Variants in STX6 observed in about 807,000 individuals in gnomAD.
STX6 encodes syntaxin-6.
A neutral mutation model predicts 38.0 loss-of-function variants in STX6; 23 were observed. That is an observed-to-expected ratio of 0.60 (90% confidence interval 0.43 to 0.86). STX6 has a LOEUF of 0.86. STX6 is among the 40% of genes least tolerant of loss of function. The probability of loss-of-function intolerance (pLI) is 0.00; values close to 1 mark genes in which losing one functional copy is unlikely to be tolerated. For missense variants in STX6, 274 were observed against 312.9 expected (o/e 0.88, Z 0.94); for synonymous variants, 123 against 107.5 (o/e 1.14, Z -0.89).
intron 1 of STX6, among the ~76,000 whole-genome samples, chr1:181,011,720 C>T (rs1656406055): frequency 6.6e-6 from 1 of 152,176 alleles, no homozygotes; most frequent in Admixed American, 6.5e-5. Flanking sequence ...CTTGATTTCA[C>T]ATTTCTTTCT....
chr1:181,006,450 A>AT (rs1656226593), intron 1 of STX6, among the ~76,000 whole-genome samples: 1 of 150,608 alleles, frequency 6.6e-6, no homozygotes, highest in South Asian at 2.1e-4. Flanking sequence ...TAGTCACAAG[A>AT]TTTTAAGAAC....
At chr1:180,994,830 G>A (rs1655856028) in intron 3 of STX6, among the ~76,000 whole-genome samples, 1 of 151,994 alleles carries the variant, frequency 6.6e-6, no homozygotes, top group African/African-American at 2.4e-5. Context: ...TAATTCAAAT[G>A]TTTGCAGCAT....
rs145882958 is a variant in STX6 at position 181,010,883 on chromosome 1, G to A, written c.36-5420C>T. 4.6e-5 allele frequency among the ~76,000 whole-genome samples: 7 copies of A among 152,264 alleles called. No homozygotes were observed. The East Asian group carries it at 1.4e-3, about 29-fold the overall frequency. ...CTTGGGGATCCCTTGTGATTTACAG[G>A]CCATGCTTTCAGAACTACAATGTCT... On this transcript the variant is annotated intron_variant, in intron 1 of 7. Transcript: ENST00000258301.
intron 3 of STX6, among the ~76,000 whole-genome samples, chr1:180,995,605 C>T (rs2102313670): frequency 6.6e-6 from 1 of 152,326 alleles, no homozygotes; most frequent in South Asian, 2.1e-4. Flanking sequence ...CCTATAGTCC[C>T]AGCACTTTGG....
At chr1:181,021,268 A>G (rs1357684593) in intron 1 of STX6, among the ~76,000 whole-genome samples, 1 of 152,166 alleles carries the variant, frequency 6.6e-6, no homozygotes, top group Non-Finnish European at 1.5e-5. Context: ...AAAAACATCT[A>G]TTTTAAAAAT....
chr1:181,022,018 C>T (rs1656742189), intron 1 of STX6, among the ~76,000 whole-genome samples: 1 of 152,116 alleles, frequency 6.6e-6, no homozygotes, highest in South Asian at 2.1e-4. Context: ...GACTGCTTTC[C>T]TCTCCTCACA....
At chr1:181,008,724 ATTGTTTTTT>A (rs1021697100) in intron 1 of STX6, among the ~76,000 whole-genome samples, 8 of 53,204 alleles carry the variant, frequency 1.5e-4, no homozygotes, top group African/African-American at 6.5e-4. Context: ...GCTTTCCAAA[ATTGTTTTTT>A]TTTTTTTTTT....
chr1:180,989,853 ACAAT>A lies in STX6; in HGVS notation c.489+127_489+130del. 3.6e-6 allele frequency: 4 copies of A among 1,110,142 alleles called. No homozygotes were observed. The South Asian group carries it at 4.6e-5, about 13-fold the overall frequency. The allele number at this position is 1,110,142 out of a possible 1,614,324, so 68.8% of individuals were successfully genotyped here. ...CCCTTTACATATGCAATTATTAAACACAATCAACACAGGACAAGCTCTGGCTTAC... is the reference window on the plus strand; with the variant it reads ...CCCTTTACATATGCAATTATTAAACACAACACAGGACAAGCTCTGGCTTAC... On this transcript the variant is annotated intron_variant, in intron 5 of 7. Transcript: ENST00000258301.
At chr1:180,978,320 A>G (rs1655309515) in intron 7 of STX6, among the ~76,000 whole-genome samples, 1 of 152,218 alleles carries the variant, frequency 6.6e-6, no homozygotes, top group African/African-American at 2.4e-5. Flanking sequence ...CATACAGAGA[A>G]TCACAGCTTA....
intron 4 of STX6, among the ~76,000 whole-genome samples, chr1:180,992,290 A>C (rs1457291718): frequency 6.6e-6 from 1 of 152,244 alleles, no homozygotes; most frequent in Non-Finnish European, 1.5e-5. Flanking sequence ...ATGGAATGCA[A>C]GAAAAGGAAA....
chr1:180,989,265 G>A (rs1334594748), intron 5 of STX6: 1 of 152,140 alleles, frequency 6.6e-6, no homozygotes, highest in African/African-American at 2.4e-5. Flanking sequence ...GCTGAGTCAG[G>A]TGGATTGCCT....
At chr1:181,003,654 A>C (rs1270263990) in intron 2 of STX6, among the ~76,000 whole-genome samples, 1 of 152,206 alleles carries the variant, frequency 6.6e-6, no homozygotes, top group Non-Finnish European at 1.5e-5. Flanking sequence ...GCTAACTATA[A>C]GGTGATCCTG....
At chr1:181,004,728 C>T (rs1656177334) in intron 2 of STX6, among the ~76,000 whole-genome samples, 1 of 152,114 alleles carries the variant, frequency 6.6e-6, no homozygotes. Flanking sequence ...GTGAGCTGCT[C>T]TTGCAAATTA....
At chr1:181,014,074 T>C (rs931379233) in intron 1 of STX6, among the ~76,000 whole-genome samples, 2 of 152,150 alleles carry the variant, frequency 1.3e-5, no homozygotes, top group South Asian at 2.1e-4. Flanking sequence ...AAACTCCAGT[T>C]TGATAAAAGA....
chr1:180,983,201 A>G (rs1285535531), intron 7 of STX6, among the ~76,000 whole-genome samples: 1 of 152,242 alleles, frequency 6.6e-6, no homozygotes. Flanking sequence ...GTAACCTATG[A>G]GTTAAACTTC....
intron 3 of STX6, among the ~76,000 whole-genome samples, chr1:180,996,743 T>G (rs1023015007): frequency 4.6e-5 from 7 of 152,150 alleles, no homozygotes; most frequent in Admixed American, 3.3e-4. Flanking sequence ...TATTTATTTT[T>G]TAAATTTTTG....
Position 181,008,755 on chromosome 1 carries a change from A to G in STX6, c.36-3292T>C, listed in dbSNP as rs1656308174. On this transcript the variant is annotated intron_variant, in intron 1 of 7. Transcript: ENST00000258301. Reference sequence around the variant, plus strand: ...TTTTTTTTTTTTTTTTTTTTAAACAAAAGGCTCTAATTTTATCACTGGTAA... The same window carrying G: ...TTTTTTTTTTTTTTTTTTTTAAACAGAAGGCTCTAATTTTATCACTGGTAA... Among the ~76,000 whole-genome samples, 2 of 147,024 alleles carry G rather than the reference A, an allele frequency of 1.4e-5. 1 individual carries two copies. Among genetic ancestry groups the G allele is most frequent in the South Asian group, 4.2e-4 (2 of 4,718 alleles).
chr1:180,979,860 AC>A (rs1287742804), intron 7 of STX6, among the ~76,000 whole-genome samples: 10 of 29,740 alleles, frequency 3.4e-4, no homozygotes, highest in African/African-American at 8.2e-4. Flanking sequence ...CAGTATGAAA[AC>A]TAACAGCTTG....
intron 1 of STX6, 60 bp from the exon 2 acceptor site, chr1:181,005,523 T>C: frequency 6.5e-7 from 1 of 1,541,030 alleles, no homozygotes; most frequent in South Asian, 1.2e-5. Context: ...GTCAAGTTAC[T>C]GCATGATTTA....
Sources: allele counts gnomAD v4.1 joint callset (sites outside exome capture counted in the v4.1 genomes callset), GRCh38; gene constraint gnomAD v4.1.1; transcripts MANE v1.5; gene names NCBI Gene and HGNC (gene_info 2026-07-23, HGNC 2026-07-21).